The following PIK3C2G variants were observed in gnomAD, a reference collection of about 807,000 sequenced individuals.
PIK3C2G encodes phosphatidylinositol 3-kinase C2 domain-containing subunit gamma.
Under a neutral mutation model 181.1 loss-of-function variants are expected in PIK3C2G, and 168 were observed. That is an observed-to-expected ratio of 0.93 (90% CI 0.82 to 1.05). PIK3C2G has a LOEUF of 1.05. PIK3C2G is among the 50% of genes least tolerant of loss of function. PIK3C2G has a pLI of 0.00. For synonymous variants in PIK3C2G, 573 were observed against 592.2 expected, an observed-to-expected ratio of 0.97 and a Z score of 0.47; for missense variants, 1,869 against 1,732.8, an observed-to-expected ratio of 1.08 and a Z score of -1.40.
At chr12:18,609,492 GC>G (rs1273397085) in intron 30 of PIK3C2G, 42 bp from the exon 31 acceptor site, 1 of 1,164,870 alleles carries the variant, frequency 8.6e-7, no homozygotes, top group Non-Finnish European at 1.3e-6. Flanking sequence ...CCTGTGCTGA[GC>G]TTTTTCCAAC....
intron 25 of PIK3C2G, among the ~76,000 whole-genome samples, chr12:18,544,470 G>C (rs1245259528): frequency 6.6e-6 from 1 of 151,762 alleles, no homozygotes; most frequent in Admixed American, 6.6e-5. Flanking sequence ...CAAGATATCT[G>C]GGCAAATGAA....
At chr12:18,371,119 A>G in intron 12 of PIK3C2G, 61 bp from the exon 13 acceptor site, 2 of 1,368,348 alleles carry the variant, frequency 1.5e-6, no homozygotes, top group Admixed American at 2.4e-5. Context: ...TTATAAGAAC[A>G]TTTTCATTAA....
Position 18,510,852 on chromosome 12 carries a change from T to G in PIK3C2G, c.3323+5391T>G, listed in dbSNP as rs117403675. Among the ~76,000 whole-genome samples, 1,399 of 152,280 alleles carry G rather than the reference T, an allele frequency of 9.2e-3. 9 individuals carry two copies. Among genetic ancestry groups the G allele is most frequent in the Non-Finnish European group, 0.015 (999 of 68,010 alleles). On this transcript the variant is annotated intron_variant, in intron 24 of 32. Transcript: ENST00000538779. ...CCTATCACTTTTTTATGGTGAGACA[T>G]TTGAAATTTACTCTATTATTTTTAC...
At position 18,332,032 on chromosome 12, in the gene PIK3C2G, TTAAC is replaced by T. The variant is rs565827030; in HGVS notation, c.1273-6390_1273-6387del. On this transcript the variant is annotated intron_variant, in intron 8 of 32. Transcript: ENST00000538779. ...CTGTTTCATATATTTCTAACTTAAA[TTAAC>T]TAATATTTTGTTAAGGATATTTGCA... Among the ~76,000 whole-genome samples, 201 of 152,346 alleles carry T rather than the reference TTAAC, an allele frequency of 1.3e-3. 1 individual carries two copies. The highest frequency in any genetic ancestry group is 4.6e-3 in the African/African-American group (192 of 41,590).
chr12:18,583,502 G>A (rs1488063782), intron 29 of PIK3C2G, among the ~76,000 whole-genome samples: 2 of 151,982 alleles, frequency 1.3e-5, no homozygotes, highest in African/African-American at 4.8e-5. Context: ...GGGAGGGGTG[G>A]GTTGCCACCT....
the PIK3C2G span, among the ~76,000 whole-genome samples, chr12:18,658,676 C>T: frequency 0.13 from 19,061 of 151,796 alleles, 1,546 homozygotes; most frequent in East Asian, 0.32. Context: ...TATACATAAC[C>T]GACCTGTAAC....
intron 13 of PIK3C2G, among the ~76,000 whole-genome samples, chr12:18,371,598 T>C (rs1436435988): frequency 6.6e-6 from 1 of 152,172 alleles, no homozygotes; most frequent in Non-Finnish European, 1.5e-5. Flanking sequence ...GCTGGTTTCT[T>C]TGGAACTAGT....
At chr12:18,324,385 T>C (rs1951242999) in intron 7 of PIK3C2G, among the ~76,000 whole-genome samples, 1 of 129,862 alleles carries the variant, frequency 7.7e-6, no homozygotes, top group South Asian at 2.3e-4. Context: ...AATAATGGTG[T>C]TTGTTTTAAT....
chr12:18,529,773 G>A (rs528671760), intron 24 of PIK3C2G, among the ~76,000 whole-genome samples: 17 of 152,178 alleles, frequency 1.1e-4, no homozygotes, highest in Non-Finnish European at 2.2e-4. Context: ...CCACTGTGAG[G>A]GCTGGTGCTA....
intron 11 of PIK3C2G, among the ~76,000 whole-genome samples, chr12:18,350,251 A>G (rs74070247): frequency 0.015 from 2,333 of 152,278 alleles, 69 homozygotes; most frequent in African/African-American, 0.054. Context: ...AGAGTTCAGC[A>G]GAATCATATT....
rs555012017 is a variant in PIK3C2G, at chr12:18,303,474, T to TACAGGCACGC, written c.1034+9462_1034+9471dup. The stretch of plus-strand genomic sequence containing the variant: ...CCTCAGCCTCCAGAGTAGCTGGGAT[T>TACAGGCACGC]ACAGGCACGCACCACCACGCCTATC... On this transcript the variant is annotated intron_variant, in intron 5 of 32. Transcript: ENST00000538779. Among the ~76,000 whole-genome samples, 74 of 152,118 alleles carry TACAGGCACGC rather than the reference T, an allele frequency of 4.9e-4. No homozygotes were observed. The East Asian group carries it at 8.5e-3, about 18-fold the overall frequency.
chr12:18,462,118 C>T (rs368018852), intron 18 of PIK3C2G, among the ~76,000 whole-genome samples: 235 of 152,288 alleles, frequency 1.5e-3, no homozygotes, highest in African/African-American at 5.4e-3. Context: ...AAGTAACATA[C>T]GGACAGGTCC....
At chr12:18,390,980 A>C in intron 14 of PIK3C2G, 142 bp from the exon 15 acceptor site, 1 of 526,206 alleles carries the variant, frequency 1.9e-6, no homozygotes. Context: ...TATTTTAGAA[A>C]TTATTTTAAA....
At chr12:18,510,145 T>C (rs1207192105) in intron 24 of PIK3C2G, among the ~76,000 whole-genome samples, 1 of 152,122 alleles carries the variant, frequency 6.6e-6, no homozygotes, top group Non-Finnish European at 1.5e-5. Context: ...AACTTTTTTA[T>C]TGTTTTGTAG....
At chr12:18,666,999 TA>T in the PIK3C2G span, among the ~76,000 whole-genome samples, 1 of 152,136 alleles carries the variant, frequency 6.6e-6, no homozygotes, top group Non-Finnish European at 1.5e-5. Context: ...GGCCTAGAAC[TA>T]AAAATACCGT....
chr12:18,515,492 T>A (rs1942478527), intron 24 of PIK3C2G, among the ~76,000 whole-genome samples: 1 of 152,046 alleles, frequency 6.6e-6, no homozygotes, highest in Non-Finnish European at 1.5e-5. Context: ...CTGCTGGATT[T>A]TCCAGTTTGT....
rs761516711 is a variant in PIK3C2G at position 18,399,781 on chromosome 12, T to C, written c.2249T>C (p.Met750Thr). Reference sequence around the variant, plus strand: ...TGGGATGAAAGGACTGTTTCAGAAATGCATACCATTTTGAGAAGATGGACA... The same window carrying C: ...TGGGATGAAAGGACTGTTTCAGAAACGCATACCATTTTGAGAAGATGGACA... ...PGWDERTVSE[M>T]HTILRRWTFS... The change falls in exon 16 of 33, where the codon ATG becomes ACG. Residue 750 changes from methionine to threonine, a missense_variant. Physicochemically the swap from Met to Thr is moderately conservative, Grantham distance 81. Coordinates refer to ENST00000538779, the MANE Select transcript of PIK3C2G (RefSeq NM_001288772.2). 9.3e-6 allele frequency: 15 copies of C among 1,607,530 alleles called. No individual in the cohort carries two copies. In the South Asian group the frequency reaches 1.1e-4, roughly 12 times the overall value.
At chr12:18,605,818 ACT>A (rs1252952148) in intron 30 of PIK3C2G, among the ~76,000 whole-genome samples, 4 of 151,840 alleles carry the variant, frequency 2.6e-5, no homozygotes, top group Non-Finnish European at 4.4e-5. Flanking sequence ...GCCTTTCTTG[ACT>A]CTCTACAGCA....
At chr12:18,693,547 G>A in the PIK3C2G span, 1 of 1,610,152 alleles carries the variant, frequency 6.2e-7, no homozygotes, top group Non-Finnish European at 8.5e-7. Context: ...AACTTATTCA[G>A]AAGTACCTAG....
Sources: allele counts gnomAD v4.1 joint callset (sites outside exome capture counted in the v4.1 genomes callset), GRCh38; gene constraint gnomAD v4.1.1; transcripts MANE v1.5; gene names NCBI Gene and HGNC (gene_info 2026-07-23, HGNC 2026-07-21).